The following UACA variants were observed in gnomAD, a reference collection of about 807,000 sequenced individuals.
The protein encoded by UACA is nuclear membrane binding protein.
UACA carries 112 observed loss-of-function variants against 160.5 expected under a neutral mutation model. The ratio of observed to expected loss-of-function variants is 0.70; its 90% CI spans 0.60 to 0.82. The LOEUF (loss-of-function observed/expected upper bound fraction) is 0.82, where lower values mean the gene tolerates loss of function less well. Ranked by LOEUF, UACA falls within the 40% of genes least tolerant of loss-of-function variation. The pLI, the probability that UACA is intolerant of heterozygous loss-of-function variation, is 0.00. For synonymous variants in UACA, 557 were observed against 568.4 expected, an observed-to-expected ratio of 0.98 and a Z score of 0.29; for missense variants, 1,574 against 1,614.6, an observed-to-expected ratio of 0.97 and a Z score of 0.43.
intron 1 of UACA, among the ~76,000 whole-genome samples, chr15:70,718,487 C>T (rs1898894741): frequency 6.6e-6 from 1 of 151,864 alleles, no homozygotes; most frequent in Non-Finnish European, 1.5e-5. Context: ...CTTTAAGCAG[C>T]AATCTGAGTT....
At chr15:70,664,974 AAT>A in intron 16 of UACA, 160 bp from the exon 17 acceptor site, 1 of 513,828 alleles carries the variant, frequency 1.9e-6, no homozygotes, top group Non-Finnish European at 3.2e-6. Context: ...GGATGTATAC[AAT>A]ATGTAATTTA....
rs1055504626 is a variant in UACA, at chr15:70,668,341, T to C, written c.2343A>G (p.Glu781=). Residue 781 remains glutamate (E), a synonymous_variant, in exon 16 of 19, where the codon GAA becomes GAG. Transcript: ENST00000322954. The part of the protein sequence containing the change: ...VTQKYTEKKL[E]MEKLLLENDS... ...CATTTTCCAGTAGCAATTTCTCCAT[T>C]TCCAACTTCTTTTCTGTATATTTTT... is the stretch of plus-strand genomic sequence containing the variant. The C allele has an allele frequency of 1.2e-6, 2 of 1,609,906 alleles. No individual in the cohort carries two copies. Among genetic ancestry groups the C allele is most frequent in the Non-Finnish European group, 1.7e-6 (2 of 1,179,130 alleles).
chr15:70,757,843 T>C (rs1371836325), intron 1 of UACA, among the ~76,000 whole-genome samples: 5 of 152,204 alleles, frequency 3.3e-5, no homozygotes, highest in Admixed American at 2.0e-4. Flanking sequence ...GTCCTAATCT[T>C]TGACAGCCTC....
At chr15:70,703,768 C>A (rs942521135) in intron 1 of UACA, among the ~76,000 whole-genome samples, 1 of 152,202 alleles carries the variant, frequency 6.6e-6, no homozygotes, top group African/African-American at 2.4e-5. Context: ...TCCCCAGCCT[C>A]TGTGGCTTAA....
intron 1 of UACA, among the ~76,000 whole-genome samples, chr15:70,706,144 AT>A (rs1344869012): frequency 1.3e-5 from 2 of 152,178 alleles, no homozygotes; most frequent in African/African-American, 4.8e-5. Context: ...TCATTGTAAT[AT>A]ACCACCTTAA....
intron 13 of UACA, among the ~76,000 whole-genome samples, chr15:70,675,701 C>T (rs1468465483): frequency 1.3e-5 from 2 of 152,164 alleles, no homozygotes; most frequent in Admixed American, 6.5e-5. Flanking sequence ...TTTCATAATG[C>T]ACACATAGTT....
At chr15:70,681,377 A>T (rs1897498374) in intron 9 of UACA, among the ~76,000 whole-genome samples, 1 of 152,180 alleles carries the variant, frequency 6.6e-6, no homozygotes, top group African/African-American at 2.4e-5. Flanking sequence ...GTATTAAAAA[A>T]AAAAAGTCCT....
intron 15 of UACA, among the ~76,000 whole-genome samples, chr15:70,669,939 T>A (rs1440619080): frequency 6.6e-6 from 1 of 152,212 alleles, no homozygotes; most frequent in Non-Finnish European, 1.5e-5. Context: ...GAATTATAGA[T>A]TTAACTAATA....
At chr15:70,662,703 T>C (rs2140888722) in intron 17 of UACA, among the ~76,000 whole-genome samples, 1 of 152,212 alleles carries the variant, frequency 6.6e-6, no homozygotes, top group South Asian at 2.1e-4. Flanking sequence ...TCAGAAATAA[T>C]GCCACATATC....
rs747032491 is a variant in UACA, at chr15:70,684,403, C to T, written c.646G>A (p.Val216Ile). Residue 216 changes from valine to isoleucine, a missense_variant, in exon 8 of 19, where the codon GTA (valine) becomes ATA (isoleucine). By Grantham distance (29) the Val-to-Ile change is conservative. Transcript: ENST00000322954. ...GCACCATTTTTAATTAAGACTTCTA[C>T]TGCATCTCTGCAACCATATTCGCAA... Reference protein sequence around the residue: ...LGCEYGCRDAVEVLIKNGADI... With the variant: ...LGCEYGCRDAIEVLIKNGADI... The T allele has an allele frequency of 4.3e-6, 7 of 1,613,642 alleles. No homozygotes were observed. The East Asian group carries it at 8.9e-5, about 21-fold the overall frequency.
intron 16 of UACA, 124 bp from the exon 17 acceptor site, chr15:70,664,938 A>G (rs1896852006): frequency 1.2e-6 from 1 of 812,778 alleles, no homozygotes; most frequent in Non-Finnish European, 1.8e-6. Flanking sequence ...AAATTGAGGT[A>G]TGAATATTGC....
chr15:70,751,419 A>G (rs1470916669), intron 1 of UACA, among the ~76,000 whole-genome samples: 1 of 152,242 alleles, frequency 6.6e-6, no homozygotes. Flanking sequence ...GTTATAAAGG[A>G]CAACAATGGC....
At chr15:70,709,432 C>A (rs753761764) in intron 1 of UACA, among the ~76,000 whole-genome samples, 11 of 152,118 alleles carry the variant, frequency 7.2e-5, no homozygotes, top group Non-Finnish European at 1.0e-4. Flanking sequence ...TAAAAGAAAT[C>A]ACAAGTTTTG....
chr15:70,714,879 G>A (rs1315613901), intron 1 of UACA, among the ~76,000 whole-genome samples: 1 of 152,150 alleles, frequency 6.6e-6, no homozygotes, highest in Non-Finnish European at 1.5e-5. Flanking sequence ...GCTTCTCCAC[G>A]TTTAACAGTT....
upstream of UACA, chr15:70,768,133 G>A (rs2031060533): frequency 6.6e-6 from 1 of 152,226 alleles, no homozygotes; most frequent in Admixed American, 6.5e-5. Context: ...AGACCCTCAT[G>A]TAAGTTTTCT....
At chr15:70,771,152 T>C in the UACA span, among the ~76,000 whole-genome samples, 5 of 152,178 alleles carry the variant, frequency 3.3e-5, no homozygotes, top group Non-Finnish European at 4.4e-5. Flanking sequence ...CAGAAAGAAA[T>C]TGAGGCAACT....
In UACA at chr15:70,678,629, A is replaced by G. The variant is rs147765021; in HGVS notation, c.892-423T>C. ...GATAAAGGCTCGAATTTAAGGACAT[A>G]GTTCATTTTCTTACACTACATAGTA... is the stretch of plus-strand genomic sequence containing the variant. On this transcript the variant is annotated intron_variant, in intron 10 of 18. Coordinates refer to ENST00000322954, the MANE Select transcript of UACA (RefSeq NM_018003.4). Among the ~76,000 whole-genome samples, 6 of 152,304 alleles carry G rather than the reference A, an allele frequency of 3.9e-5. No homozygotes were observed. In the East Asian group the frequency reaches 1.2e-3, roughly 29 times the overall value.
chr15:70,725,915 A>C (rs1226677963), intron 1 of UACA, among the ~76,000 whole-genome samples: 1 of 152,194 alleles, frequency 6.6e-6, no homozygotes, highest in Non-Finnish European at 1.5e-5. Context: ...TGGATGCCCT[A>C]AATATCCTGA....
At chr15:70,665,011 A>G (rs376010104) in intron 16 of UACA, 197 bp from the exon 17 acceptor site, 33 of 436,504 alleles carry the variant, frequency 7.6e-5, no homozygotes, top group South Asian at 5.6e-4. Flanking sequence ...TCCAGAAATT[A>G]TTTACAAAAG....
Sources: gnomAD v4.1 joint callset for allele counts (sites outside exome capture counted in the v4.1 genomes callset) on GRCh38, gnomAD v4.1.1 for gene constraint, MANE v1.5 for transcripts, NCBI Gene and HGNC (gene_info 2026-07-23, HGNC 2026-07-21) for gene names.